SLC44A5: variants seen among roughly 807,000 people sequenced by gnomAD.
SLC44A5 encodes the protein choline transporter-like protein 5.
In SLC44A5, 57 loss-of-function variants were observed where a neutral mutation model predicts 101.8. The ratio of observed to expected loss-of-function variants is 0.56; its 90% CI spans 0.45 to 0.70. The LOEUF (loss-of-function observed/expected upper bound fraction) is 0.70, where lower values mean the gene tolerates loss of function less well. SLC44A5 is among the 30% of genes least tolerant of loss of function. SLC44A5 has a pLI of 0.00. For missense variants in SLC44A5, 737 were observed against 853.1 expected (o/e 0.86, Z 1.70); for synonymous variants, 281 against 290.9 (o/e 0.97, Z 0.35).
chr1:75,510,238 T>C (rs566227101), intron 2 of SLC44A5, among the ~76,000 whole-genome samples: 96 of 152,104 alleles, frequency 6.3e-4, no homozygotes, highest in African/African-American at 2.2e-3. Context: ...ATGAGGGACA[T>C]CTAACGCACA....
chr1:75,495,274 T>C (rs1331537765), intron 2 of SLC44A5, among the ~76,000 whole-genome samples: 2 of 151,882 alleles, frequency 1.3e-5, no homozygotes, highest in Non-Finnish European at 2.9e-5. Context: ...GCTAACATGG[T>C]GAAACCCTGT....
chr1:75,369,432 C>T (rs1487917439), intron 3 of SLC44A5, among the ~76,000 whole-genome samples: 2 of 152,042 alleles, frequency 1.3e-5, no homozygotes, highest in Non-Finnish European at 2.9e-5. Context: ...ATGATTAGTA[C>T]TTTTACGAGT....
At chr1:75,657,964 C>T in the SLC44A5 span, among the ~76,000 whole-genome samples, 1 of 148,702 alleles carries the variant, frequency 6.7e-6, no homozygotes, top group Non-Finnish European at 1.5e-5. Context: ...ACTCAACTGA[C>T]ATTTACAGAA....
At chr1:75,601,826 C>T (rs538441624) in intron 1 of SLC44A5, among the ~76,000 whole-genome samples, 1 of 152,208 alleles carries the variant, frequency 6.6e-6, no homozygotes, top group Admixed American at 6.6e-5. Context: ...AGTTGTTTTC[C>T]TAATGATTCC....
At chr1:75,257,037 G>A (rs1224656042) in intron 6 of SLC44A5, among the ~76,000 whole-genome samples, 2 of 152,172 alleles carry the variant, frequency 1.3e-5, no homozygotes, top group Admixed American at 6.5e-5. Context: ...AAACCAGAGA[G>A]AGAAGAGATT....
At chr1:75,283,734 C>T (rs1570570361) in intron 5 of SLC44A5, among the ~76,000 whole-genome samples, 1 of 151,436 alleles carries the variant, frequency 6.6e-6, no homozygotes, top group Non-Finnish European at 1.5e-5. Context: ...ATTATCCCAG[C>T]ACCATTTGTT....
intron 3 of SLC44A5, among the ~76,000 whole-genome samples, chr1:75,365,202 G>A (rs1659772102): frequency 6.6e-6 from 1 of 152,036 alleles, no homozygotes; most frequent in Non-Finnish European, 1.5e-5. Flanking sequence ...TGTGCAGGAT[G>A]TGCAGGTTTG....
At chr1:75,720,414 G>A in the SLC44A5 span, 162 of 152,330 alleles carry the variant, frequency 1.1e-3, 1 homozygote, top group African/African-American at 3.9e-3. Flanking sequence ...ACCTAAAAAT[G>A]TAGAGAAGTT....
intron 4 of SLC44A5, among the ~76,000 whole-genome samples, chr1:75,318,576 AC>A (rs1228063399): frequency 1.3e-5 from 2 of 152,180 alleles, no homozygotes; most frequent in African/African-American, 4.8e-5. Flanking sequence ...CAGTTCTATG[AC>A]AAGTTCATAT....
At chr1:75,398,732 C>T (rs976653121) in intron 2 of SLC44A5, among the ~76,000 whole-genome samples, 3 of 152,098 alleles carry the variant, frequency 2.0e-5, no homozygotes, top group African/African-American at 7.2e-5. Flanking sequence ...CATATTTTGG[C>T]ATGATCAGTT....
intron 5 of SLC44A5, among the ~76,000 whole-genome samples, chr1:75,279,459 T>C (rs1652207109): frequency 6.6e-6 from 1 of 152,120 alleles, no homozygotes; most frequent in Admixed American, 6.6e-5. Flanking sequence ...TAACCACAAC[T>C]TCATGAAGAA....
intron 4 of SLC44A5, among the ~76,000 whole-genome samples, chr1:75,304,293 GGTGTGTGTGTGTGTGTGTGT>G (rs71081327): frequency 1.5e-5 from 1 of 65,420 alleles, no homozygotes; most frequent in Admixed American, 2.1e-4. Context: ...TTTTTAAATA[GGTGTGTGTGTGTGTGTGTGT>G]GTGTGTGTGT....
intron 3 of SLC44A5, among the ~76,000 whole-genome samples, chr1:75,363,964 C>T (rs372546434): frequency 6.6e-6 from 1 of 152,096 alleles, no homozygotes; most frequent in Non-Finnish European, 1.5e-5. Context: ...GCAGTTATTT[C>T]CCCCCAGTAC....
At chr1:75,720,878 G>T in the SLC44A5 span, among the ~76,000 whole-genome samples, 6 of 151,626 alleles carry the variant, frequency 4.0e-5, no homozygotes, top group Non-Finnish European at 8.8e-5. Flanking sequence ...TAGGCGGGGG[G>T]AGGTTCCAGG....
At chr1:75,514,743 A>G (rs1669736540) in intron 2 of SLC44A5, among the ~76,000 whole-genome samples, 1 of 152,258 alleles carries the variant, frequency 6.6e-6, no homozygotes, top group African/African-American at 2.4e-5. Context: ...TAGAGTCAAA[A>G]GAACTACACT....
In SLC44A5 at chr1:75,376,501, G is replaced by C. The variant is rs552036967; in HGVS notation, c.52+20082C>G. Among the ~76,000 whole-genome samples the C allele has an allele frequency of 1.5e-3, 223 of 152,356 alleles. 1 individual carries two copies. The highest frequency in any genetic ancestry group is 5.0e-3 in the African/African-American group (209 of 41,586). On this transcript the variant is annotated intron_variant, in intron 3 of 23. Transcript: ENST00000370859. ...GCAGCTGGAGATCTGAGAACGGGCAGACTGCCTCCTCAAGAGGGTCCCTAA... is the reference window on the plus strand; with the variant it reads ...GCAGCTGGAGATCTGAGAACGGGCACACTGCCTCCTCAAGAGGGTCCCTAA...
the SLC44A5 span, among the ~76,000 whole-genome samples, chr1:75,721,996 G>C: frequency 6.6e-6 from 1 of 152,114 alleles, no homozygotes; most frequent in Non-Finnish European, 1.5e-5. Context: ...TTTCATTGAT[G>C]TGATAAAGGT....
intron 4 of SLC44A5, among the ~76,000 whole-genome samples, chr1:75,303,258 C>T (rs961295192): frequency 3.3e-5 from 5 of 152,046 alleles, no homozygotes; most frequent in Admixed American, 1.3e-4. Context: ...TTTTTTGAGC[C>T]GGAGTCTTGC....
intron 2 of SLC44A5, among the ~76,000 whole-genome samples, chr1:75,496,830 T>TA (rs1293578770): frequency 6.6e-6 from 1 of 151,934 alleles, no homozygotes; most frequent in Non-Finnish European, 1.5e-5. Flanking sequence ...AGGACTTAAA[T>TA]AAAAATTTTT....
Sources: gnomAD v4.1 joint callset for allele counts (sites outside exome capture counted in the v4.1 genomes callset) on GRCh38, gnomAD v4.1.1 for gene constraint, MANE v1.5 for transcripts, NCBI Gene and HGNC (gene_info 2026-07-23, HGNC 2026-07-21) for gene names.